The following PCDH10 variants were observed in gnomAD, a reference collection of about 807,000 sequenced individuals.
PCDH10 encodes protocadherin 10.
Under a neutral mutation model 74.4 loss-of-function variants are expected in PCDH10, and 15 were observed. That is an observed-to-expected ratio of 0.20 (90% CI 0.13 to 0.31). The LOEUF (loss-of-function observed/expected upper bound fraction) is 0.31. PCDH10 is among the 10% of genes least tolerant of loss of function. PCDH10 has a pLI of 1.00. For synonymous variants in PCDH10, 619 were observed against 589.8 expected (o/e 1.05, Z -0.72); for missense variants, 1,260 against 1,390.2 (o/e 0.91, Z 1.49).
In PCDH10 at chr4:133,151,396, C is replaced by T. The variant is rs949429837; in HGVS notation, c.1256C>T (p.Ala419Val). 5 of 1,613,948 alleles carry T rather than the reference C, an allele frequency of 3.1e-6. No individual in the cohort carries two copies. Among genetic ancestry groups the T allele is most frequent in the South Asian group, 1.1e-5 (1 of 91,092 alleles). Residue 419 changes from alanine to valine, a missense_variant, in exon 1 of 5, where the codon GCC becomes GTC. Coordinates refer to ENST00000264360, the MANE Select transcript of PCDH10 (RefSeq NM_032961.3). The stretch of plus-strand genomic sequence containing the variant: ...AATTACTACACCATCGTTACCGAAG[C>T]CCCCCTGGACCGAGAGGCGGGGGAC... ...FKNYYTIVTE[A>V]PLDREAGDSY...
At chr4:133,184,809 T>G (rs912753496) in intron 4 of PCDH10, among the ~76,000 whole-genome samples, 4 of 143,882 alleles carry the variant, frequency 2.8e-5, no homozygotes, top group Non-Finnish European at 6.0e-5. Flanking sequence ...TATATATATA[T>G]TTATATATTT....
Position 133,190,143 on chromosome 4 carries a change from C to A in PCDH10, c.3106C>A (p.Arg1036=). ...GTATTTTTCTTTCTTTTTCACAGCACGGAAAAGGATATGCTAGTCAATTCT... is the reference window on the plus strand; with the variant it reads ...GTATTTTTCTTTCTTTTTCACAGCAAGGAAAAGGATATGCTAGTCAATTCT... ...RAPYKPPYLT[R]KRIC Residue 1036 remains arginine (R), a splice_region_variant and synonymous_variant, in exon 5 of 5, where the codon CGG becomes AGG. Transcript: ENST00000264360. 1 of 1,610,886 alleles carries A rather than the reference C, an allele frequency of 6.2e-7. No homozygotes were observed. Among genetic ancestry groups the A allele is most frequent in the Non-Finnish European group, 8.5e-7 (1 of 1,177,354 alleles).
intron 2 of PCDH10, among the ~76,000 whole-genome samples, chr4:133,203,205 G>T (rs1275998676): frequency 6.6e-6 from 1 of 152,120 alleles, no homozygotes; most frequent in African/African-American, 2.4e-5. Flanking sequence ...TATGGCCATG[G>T]TATAGAGATA....
At chr4:133,202,983 G>A (rs569745280) in intron 2 of PCDH10, among the ~76,000 whole-genome samples, 14 of 152,240 alleles carry the variant, frequency 9.2e-5, no homozygotes, top group African/African-American at 3.4e-4. Context: ...ATCAAGTTCG[G>A]TGCCAGTCTG....
intron 3 of PCDH10, among the ~76,000 whole-genome samples, chr4:133,156,271 C>G (rs1225732776): frequency 6.6e-6 from 1 of 152,198 alleles, no homozygotes; most frequent in Non-Finnish European, 1.5e-5. Context: ...TCTGTGGCTG[C>G]CTTAGCCTTG....
intron 3 of PCDH10, among the ~76,000 whole-genome samples, chr4:133,160,373 T>C (rs1367673262): frequency 6.6e-6 from 1 of 151,644 alleles, no homozygotes; most frequent in Non-Finnish European, 1.5e-5. Context: ...AGTGATACTG[T>C]TCATTGAACA....
chr4:133,170,655 CAG>C (rs1463886320), intron 4 of PCDH10, among the ~76,000 whole-genome samples: 2 of 151,072 alleles, frequency 1.3e-5, no homozygotes, highest in East Asian at 3.9e-4. Flanking sequence ...TGTTGAGAAA[CAG>C]ATACATGATT....
Position 133,193,521 on chromosome 4 carries a change from T to G in PCDH10, c.*3361T>G, listed in dbSNP as rs757750219. The G allele has an allele frequency of 1.3e-5, 2 of 151,724 alleles. No individual in the cohort carries two copies. The highest frequency in any genetic ancestry group is 4.8e-5 in the African/African-American group (2 of 41,434). 9.4% of individuals were successfully genotyped at this position (151,724 alleles called of 1,614,324 possible). On this transcript the variant is annotated 3_prime_UTR_variant, in exon 5 of 5. Transcript: ENST00000264360. Reference sequence around the variant, plus strand: ...ATCTCACAATTCCCAATATAATCTTTAACAACTGTACGTTAATTGTACCAT... The same window carrying G: ...ATCTCACAATTCCCAATATAATCTTGAACAACTGTACGTTAATTGTACCAT...
chr4:133,150,789 GGAGGT>G lies in PCDH10; in HGVS notation c.651_655del (p.Gly218ArgfsTer26). On this transcript the variant is annotated frameshift_variant, in exon 1 of 5. Coordinates refer to ENST00000264360, the MANE Select transcript of PCDH10 (RefSeq NM_032961.3). LOFTEE classifies it high-confidence loss of function. ...TGGGGGAGGAGTAGGAGAAGGAGGG[GGAGGT>G]GGCGGGGGAGCAGGCCTGCCCCCCC... 6.3e-7 allele frequency: 1 copy of G among 1,584,272 alleles called. No homozygotes were observed. The highest frequency in any genetic ancestry group is 1.3e-5 in the African/African-American group (1 of 74,530).
intron 2 of PCDH10, among the ~76,000 whole-genome samples, chr4:133,203,648 T>C (rs1388825729): frequency 6.6e-6 from 1 of 152,200 alleles, no homozygotes; most frequent in Non-Finnish European, 1.5e-5. Flanking sequence ...AGCCTTCCTC[T>C]TTTTTTAATC....
intron 4 of PCDH10, among the ~76,000 whole-genome samples, chr4:133,177,737 T>C (rs990582627): frequency 2.0e-5 from 3 of 152,186 alleles, no homozygotes; most frequent in Non-Finnish European, 4.4e-5. Context: ...TGCTTGTGAA[T>C]GCAATTGCCA....
intron 4 of PCDH10, among the ~76,000 whole-genome samples, chr4:133,173,922 T>C (rs1227526552): frequency 6.6e-6 from 1 of 151,900 alleles, no homozygotes; most frequent in African/African-American, 2.4e-5. Context: ...AAAGTATGCA[T>C]CATAACTCGC....
rs1726833261 is a variant in PCDH10 at position 133,154,940 on chromosome 4, T to G, written c.2714T>G (p.Ile905Arg). The stretch of plus-strand genomic sequence containing the variant: ...AGTTCTGCATTCCAGGAAGCCGACA[T>G]AGTAAGCTCTAAGGACAGTGGTCAT... ...VNSSAFQEAD[I>R]VSSKDSGHGD... The change falls in exon 3 of 5, where the codon ATA becomes AGA. Residue 905 changes from isoleucine to arginine, a missense_variant. By Grantham distance (97) the Ile-to-Arg change is moderately conservative (BLOSUM62 -3). Transcript: ENST00000264360. 3 of 1,612,592 alleles carry G rather than the reference T, an allele frequency of 1.9e-6. No homozygotes were observed. The South Asian group carries it at 3.3e-5, about 18-fold the overall frequency.
In PCDH10 at chr4:133,190,278, A is replaced by G; in HGVS notation, c.*118A>G. On this transcript the variant is annotated 3_prime_UTR_variant, in exon 5 of 5. Transcript: ENST00000264360. ...AGTTAGTCATGTGTAACTGAGTATTAGATTTCGGATGGAGTCATCATGGCC... is the reference window on the plus strand; with the variant it reads ...AGTTAGTCATGTGTAACTGAGTATTGGATTTCGGATGGAGTCATCATGGCC... The G allele has an allele frequency of 1.1e-6, 1 of 895,176 alleles. No homozygotes were observed. Among genetic ancestry groups the G allele is most frequent in the Non-Finnish European group, 1.9e-6 (1 of 535,040 alleles). 55.5% of individuals were successfully genotyped at this position (895,176 alleles called of 1,614,324 possible). A position where few individuals can be genotyped will look rare whatever the true frequency, so the allele number is the denominator to read the frequency against.
chr4:133,188,791 A>G (rs1441778538), intron 4 of PCDH10, among the ~76,000 whole-genome samples: 13 of 148,428 alleles, frequency 8.8e-5, no homozygotes, highest in Non-Finnish European at 1.3e-4. Context: ...CTTCTGCCTC[A>G]GCCTCCCAAG....
At chr4:133,163,975 T>C (rs1727028113) in intron 4 of PCDH10, 4 of 452,088 alleles carry the variant, frequency 8.8e-6, no homozygotes, top group African/African-American at 2.0e-5. Flanking sequence ...GCTATTAACC[T>C]GGACATAGAT....
Position 133,190,170 on chromosome 4 carries a change from C to G in PCDH10, c.*10C>G. ...GAAAAGGATATGCTAGTCAATTCTA[C>G]AGGACTTACCTGAAGCAGCATGATT... On this transcript the variant is annotated 3_prime_UTR_variant, in exon 5 of 5. Transcript: ENST00000264360. 6.2e-7 allele frequency: 1 copy of G among 1,609,838 alleles called. No individual in the cohort carries two copies.
At chr4:133,200,814 G>A (rs760738960) in intron 2 of PCDH10, among the ~76,000 whole-genome samples, 107 of 152,144 alleles carry the variant, frequency 7.0e-4, no homozygotes, top group Non-Finnish European at 1.1e-3. Flanking sequence ...CATTCTCTGT[G>A]TCTTATTTTA....
intron 4 of PCDH10, among the ~76,000 whole-genome samples, chr4:133,166,500 G>T (rs1175878334): frequency 6.6e-6 from 1 of 151,418 alleles, no homozygotes; most frequent in East Asian, 1.9e-4. Flanking sequence ...AGTAAGTTAT[G>T]TGTAAAACCA....
Sources: gnomAD v4.1 joint callset for allele counts (sites outside exome capture counted in the v4.1 genomes callset) on GRCh38, gnomAD v4.1.1 for gene constraint, MANE v1.5 for transcripts, NCBI Gene and HGNC (gene_info 2026-07-23, HGNC 2026-07-21) for gene names.